TMEM50A: variants seen among roughly 807,000 people sequenced by gnomAD.
The protein encoded by TMEM50A is cervical cancer oncogene 9.
In TMEM50A, 8 loss-of-function variants were observed where a neutral mutation model predicts 23.9. The observed-to-expected ratio is 0.33, with a 90% CI of 0.20 to 0.60. The LOEUF (loss-of-function observed/expected upper bound fraction) is 0.60, where lower values mean the gene tolerates loss of function less well. TMEM50A is among the 20% of genes least tolerant of loss of function. The pLI is 0.81. For missense variants in TMEM50A, 178 were observed against 192.7 expected, an observed-to-expected ratio of 0.92 and a Z score of 0.45; for synonymous variants, 55 against 60.4, an observed-to-expected ratio of 0.91 and a Z score of 0.41.
At chr1:25,354,855 T>TC (rs1645317083) in intron 5 of TMEM50A, among the ~76,000 whole-genome samples, 2 of 151,678 alleles carry the variant, frequency 1.3e-5, no homozygotes, top group Admixed American at 1.3e-4. Flanking sequence ...CACTGCAACC[T>TC]CCGTCTCCCA....
At chr1:25,352,021 C>T (rs1217488592) in intron 4 of TMEM50A, among the ~76,000 whole-genome samples, 1 of 152,106 alleles carries the variant, frequency 6.6e-6, no homozygotes, top group East Asian at 1.9e-4. Context: ...TGAAAGTTGC[C>T]TGTCCTCCTC....
In TMEM50A at chr1:25,340,567, T is replaced by C; in HGVS notation, c.81T>C (p.Ala27=). ...GEKRNTIASI[A]AGVLFFTGWW... ...AGCGCAATACTATTGCTTCCATTGC[T>C]GCTGGTGTACTAGTAAGTGTCATTG... The change falls in exon 2 of 7, where the codon GCT becomes GCC. Residue 27 remains alanine (A), a synonymous_variant. Coordinates refer to ENST00000374358, the MANE Select transcript of TMEM50A (RefSeq NM_014313.4). 6.2e-7 allele frequency: 1 copy of C among 1,613,444 alleles called. No individual in the cohort carries two copies. The highest frequency in any genetic ancestry group is 8.5e-7 in the Non-Finnish European group (1 of 1,179,740).
chr1:25,345,761 A>C (rs1183127745), intron 3 of TMEM50A, among the ~76,000 whole-genome samples: 1 of 151,822 alleles, frequency 6.6e-6, no homozygotes, highest in Admixed American at 6.6e-5. Flanking sequence ...ATTTAAAAGA[A>C]AAAAGTATTT....
At chr1:25,353,492 G>C (rs952805027) in intron 5 of TMEM50A, among the ~76,000 whole-genome samples, 6 of 152,146 alleles carry the variant, frequency 3.9e-5, no homozygotes, top group African/African-American at 1.4e-4. Flanking sequence ...ATGTTGCTAA[G>C]GCTGGCCTTG....
At chr1:25,338,898 C>G (rs750370828) in intron 1 of TMEM50A, 9 of 151,716 alleles carry the variant, frequency 5.9e-5, no homozygotes, top group Non-Finnish European at 1.0e-4. Context: ...CTTGAGCGTA[C>G]CAGTCGTCGT....
Position 25,362,209 on chromosome 1 carries a change from T to C in TMEM50A, c.*1504T>C. 1 of 530,334 alleles carries C rather than the reference T, an allele frequency of 1.9e-6. No homozygotes were observed. The highest frequency in any genetic ancestry group is 3.3e-5 in the Admixed American group (1 of 30,676). 32.9% of individuals were successfully genotyped at this position (530,334 alleles called of 1,614,324 possible). ...GTAGACAAGAGTTAACTGAGTAGCATGCTTTATTAAGCATGAGAAAGAATC... is the reference window on the plus strand; with the variant it reads ...GTAGACAAGAGTTAACTGAGTAGCACGCTTTATTAAGCATGAGAAAGAATC... On this transcript the variant is annotated 3_prime_UTR_variant, in exon 7 of 7. Coordinates refer to ENST00000374358, the MANE Select transcript of TMEM50A (RefSeq NM_014313.4).
intron 5 of TMEM50A, among the ~76,000 whole-genome samples, chr1:25,353,845 A>G (rs1217392506): frequency 6.6e-6 from 1 of 152,212 alleles, no homozygotes. Context: ...CAGGTTATAT[A>G]TATTCTGCTC....
intron 3 of TMEM50A, among the ~76,000 whole-genome samples, chr1:25,346,347 C>A (rs1486710268): frequency 6.6e-6 from 1 of 151,822 alleles, no homozygotes; most frequent in African/African-American, 2.4e-5. Context: ...CATGAACACC[C>A]AATCATCGTG....
rs151021913 is a variant in TMEM50A at position 25,343,916 on chromosome 1, G to A, written c.206+843G>A. Among the ~76,000 whole-genome samples, 504 of 152,296 alleles carry A rather than the reference G, an allele frequency of 3.3e-3. 3 individuals are homozygous for A. Among genetic ancestry groups the A allele is most frequent in the African/African-American group, 0.01 (426 of 41,544 alleles). On this transcript the variant is annotated intron_variant, in intron 3 of 6. Transcript: ENST00000374358. ...GATGAGGTCAAAGAAGTGGTGGAGA[G>A]GGACAGATGGTATAGGGCCTTGAGA...
rs537957122 is a variant in TMEM50A at position 25,362,287 on chromosome 1, A to C, written c.*1582A>C. The C allele has an allele frequency of 6.7e-6, 6 of 890,872 alleles. No individual in the cohort carries two copies. The East Asian group carries it at 1.6e-4, about 24-fold the overall frequency. The allele number at this position is 890,872 out of a possible 1,614,324, so 55.2% of individuals were successfully genotyped here. A position where few individuals can be genotyped will look rare whatever the true frequency, so the allele number is the denominator to read the frequency against. On this transcript the variant is annotated 3_prime_UTR_variant, in exon 7 of 7. Transcript: ENST00000374358. ...AAACTTTAATAATGTGTCTGTAACC[A>C]AGAAAATATTGATAGCATCATCCTA...
At chr1:25,341,267 G>T (rs938354094) in intron 2 of TMEM50A, among the ~76,000 whole-genome samples, 25 of 150,960 alleles carry the variant, frequency 1.7e-4, no homozygotes, top group East Asian at 1.9e-4. Context: ...GTTTTTTTTG[G>T]TTTTTTTTGA....
rs188423717 is a variant in TMEM50A at position 25,343,506 on chromosome 1, G to A, written c.206+433G>A. On this transcript the variant is annotated intron_variant, in intron 3 of 6. Coordinates refer to ENST00000374358, the MANE Select transcript of TMEM50A (RefSeq NM_014313.4). The stretch of plus-strand genomic sequence containing the variant: ...CAAAGGAGAAAAAATAGAGAAAGGA[G>A]ATATGTGCAAATAAGTGCAAAGGAG... Among the ~76,000 whole-genome samples the A allele has an allele frequency of 2.7e-4, 41 of 152,270 alleles. No homozygotes were observed. In the East Asian group the frequency reaches 6.9e-3, roughly 26 times the overall value.
At chr1:25,352,364 G>A (rs1426596529) in intron 4 of TMEM50A, among the ~76,000 whole-genome samples, 1 of 151,786 alleles carries the variant, frequency 6.6e-6, no homozygotes, top group Non-Finnish European at 1.5e-5. Context: ...GCGTGGTGGC[G>A]GGTGCCTGTA....
At chr1:25,351,783 A>C in intron 4 of TMEM50A, 90 bp downstream of exon 4, 1 of 1,153,646 alleles carries the variant, frequency 8.7e-7, no homozygotes. Context: ...TATTTGTTTT[A>C]ATATATCTGT....
intron 2 of TMEM50A, among the ~76,000 whole-genome samples, chr1:25,342,076 A>G (rs1645174601): frequency 6.6e-6 from 1 of 152,176 alleles, no homozygotes; most frequent in Non-Finnish European, 1.5e-5. Context: ...AAAGAAAGGC[A>G]TATGTACTCA....
intron 6 of TMEM50A, among the ~76,000 whole-genome samples, chr1:25,359,813 G>C (rs1414574457): frequency 6.6e-6 from 1 of 151,008 alleles, no homozygotes; most frequent in African/African-American, 2.5e-5. Flanking sequence ...TCAAACCCCT[G>C]TTTTTCCACA....
intron 2 of TMEM50A, among the ~76,000 whole-genome samples, chr1:25,342,235 TAGGAA>T (rs1366791480): frequency 3.3e-5 from 5 of 152,262 alleles, no homozygotes; most frequent in African/African-American, 9.6e-5. Flanking sequence ...GGTGTGGGGA[TAGGAA>T]AGGAAAGGGG....
At chr1:25,357,642 G>GTT (rs1645349501) in intron 6 of TMEM50A, among the ~76,000 whole-genome samples, 4 of 150,672 alleles carry the variant, frequency 2.7e-5, no homozygotes, top group African/African-American at 9.8e-5. Context: ...GTGTGTGTGT[G>GTT]TGTGTGTTGT....
At chr1:25,348,558 G>A (rs1355067536) in intron 3 of TMEM50A, among the ~76,000 whole-genome samples, 8 of 151,906 alleles carry the variant, frequency 5.3e-5, no homozygotes, top group African/African-American at 1.7e-4. Flanking sequence ...GGTGACACGC[G>A]CCTGTGGTCC....
Sources: allele counts gnomAD v4.1 joint callset (sites outside exome capture counted in the v4.1 genomes callset), GRCh38; gene constraint gnomAD v4.1.1; transcripts MANE v1.5; gene names NCBI Gene and HGNC (gene_info 2026-07-23, HGNC 2026-07-21).